The following LCLAT1 variants were observed in gnomAD, a reference collection of about 807,000 sequenced individuals.
LCLAT1 encodes 1-AGP acyltransferase 8.
Under a neutral mutation model 30.7 loss-of-function variants are expected in LCLAT1, and 11 were observed. The observed-to-expected ratio is 0.36, with a 90% CI of 0.23 to 0.59. The LOEUF (loss-of-function observed/expected upper bound fraction) is 0.59, where lower values mean the gene tolerates loss of function less well. Ranked by LOEUF, LCLAT1 falls within the 20% of genes least tolerant of loss-of-function variation. The pLI is 0.77. For missense variants in LCLAT1, 402 were observed against 458.6 expected (o/e 0.88, Z 1.13); for synonymous variants, 155 against 151.3 (o/e 1.02, Z -0.18).
chr2:30,473,463 C>T (rs1682896748), intron 1 of LCLAT1, among the ~76,000 whole-genome samples: 1 of 152,118 alleles, frequency 6.6e-6, no homozygotes, highest in South Asian at 2.1e-4. Context: ...CTGGAACATC[C>T]TCTTTAATTT....
intron 1 of LCLAT1, among the ~76,000 whole-genome samples, chr2:30,455,838 A>T (rs141884405): frequency 7.6e-6 from 1 of 130,970 alleles, no homozygotes; most frequent in Admixed American, 9.0e-5. Context: ...TGAGCCTGGG[A>T]GGTTGAGGCT....
rs918465134 is a variant in LCLAT1 at position 30,586,156 on chromosome 2, A to G, written c.628+17980A>G. 4.1e-5 allele frequency among the ~76,000 whole-genome samples: 6 copies of G among 147,388 alleles called. No individual in the cohort carries two copies. The East Asian group carries it at 1.1e-3, about 26-fold the overall frequency. ...CTACTCCAGAGGCTGAGGCAGGGGAATGGCGTCAACCCGGGAGGCGGAGCT... is the reference window on the plus strand; with the variant it reads ...CTACTCCAGAGGCTGAGGCAGGGGAGTGGCGTCAACCCGGGAGGCGGAGCT... On this transcript the variant is annotated intron_variant, in intron 5 of 5. Coordinates refer to ENST00000379509, the MANE Select transcript of LCLAT1 (RefSeq NM_001002257.3).
intron 5 of LCLAT1, among the ~76,000 whole-genome samples, chr2:30,610,076 C>T (rs1428847054): frequency 1.3e-5 from 2 of 152,118 alleles, no homozygotes; most frequent in African/African-American, 4.8e-5. Context: ...ACAAATTGAA[C>T]ATAGCCATAC....
At chr2:30,477,546 A>C (rs773851400) in intron 1 of LCLAT1, among the ~76,000 whole-genome samples, 1 of 152,198 alleles carries the variant, frequency 6.6e-6, no homozygotes, top group Admixed American at 6.5e-5. Context: ...CTGGTATACA[A>C]CTAAGTCACA....
intron 3 of LCLAT1, among the ~76,000 whole-genome samples, chr2:30,534,996 A>C (rs760249626): frequency 5.9e-5 from 9 of 152,224 alleles, no homozygotes; most frequent in Non-Finnish European, 1.2e-4. Context: ...TTAAAAGTGT[A>C]TATGAGATTT....
intron 3 of LCLAT1, among the ~76,000 whole-genome samples, chr2:30,556,368 C>T (rs1215372901): frequency 6.6e-6 from 1 of 152,108 alleles, no homozygotes; most frequent in African/African-American, 2.4e-5. Context: ...TGGGCCATAG[C>T]TTGCTCCTTT....
chr2:30,560,926 C>T (rs1322622919), intron 3 of LCLAT1, among the ~76,000 whole-genome samples: 2 of 151,164 alleles, frequency 1.3e-5, no homozygotes, highest in African/African-American at 4.9e-5. Flanking sequence ...GGCTTTTGCC[C>T]TTCACTCTCA....
At chr2:30,475,812 T>C (rs1200592599) in intron 1 of LCLAT1, among the ~76,000 whole-genome samples, 2 of 152,250 alleles carry the variant, frequency 1.3e-5, no homozygotes, top group Non-Finnish European at 2.9e-5. Flanking sequence ...TTCAGTATAA[T>C]GAAATCTCAA....
At chr2:30,516,267 C>G (rs752860432) in intron 1 of LCLAT1, among the ~76,000 whole-genome samples, 5 of 152,102 alleles carry the variant, frequency 3.3e-5, no homozygotes, top group Admixed American at 6.5e-5. Context: ...TTAAATCTTG[C>G]AACTGCACAC....
In LCLAT1 at chr2:30,466,308, G is replaced by A. The variant is rs1389814330; in HGVS notation, c.-5+18925G>A. On this transcript the variant is annotated intron_variant, in intron 1 of 5. Transcript: ENST00000379509. ...ACAGGGTCTCACTGCCACCTAGGCT[G>A]GGCTGGAGCTCCTAGACTCAAGTGA... Among the ~76,000 whole-genome samples, 3 of 145,442 alleles carry A rather than the reference G, an allele frequency of 2.1e-5. No individual in the cohort carries two copies. The East Asian group carries it at 6.4e-4, about 31-fold the overall frequency.
intron 5 of LCLAT1, among the ~76,000 whole-genome samples, chr2:30,618,244 C>T (rs1412277099): frequency 6.6e-6 from 1 of 151,952 alleles, no homozygotes; most frequent in East Asian, 1.9e-4. Context: ...TTTTCTTATT[C>T]TAGTTCCTTT....
chr2:30,573,165 C>T (rs1034741221), intron 5 of LCLAT1, among the ~76,000 whole-genome samples: 26 of 152,144 alleles, frequency 1.7e-4, no homozygotes, highest in African/African-American at 5.8e-4. Context: ...ATTGTTGGCC[C>T]GCCCCCCTCT....
chr2:30,494,601 C>T (rs558796624), intron 1 of LCLAT1, among the ~76,000 whole-genome samples: 83 of 151,896 alleles, frequency 5.5e-4, no homozygotes, highest in African/African-American at 1.9e-3. Context: ...TATGCATGCA[C>T]GTATGTGTGT....
At chr2:30,466,057 C>T (rs1682407068) in intron 1 of LCLAT1, among the ~76,000 whole-genome samples, 1 of 151,728 alleles carries the variant, frequency 6.6e-6, no homozygotes, top group African/African-American at 2.4e-5. Flanking sequence ...TGTATTTTTT[C>T]AGTTTGCTGA....
rs552704825 is a variant in LCLAT1, at chr2:30,534,002, A to G, written c.364+688A>G. Among the ~76,000 whole-genome samples, 3 of 152,300 alleles carry G rather than the reference A, an allele frequency of 2.0e-5. No individual in the cohort carries two copies. The East Asian group carries it at 5.8e-4, about 29-fold the overall frequency. On this transcript the variant is annotated intron_variant, in intron 3 of 5. Transcript: ENST00000379509. ...ATTCAAACCAGTTATTCACATGGGTATATGAAGTACCCACTATATCCTCCT... is the reference window on the plus strand; with the variant it reads ...ATTCAAACCAGTTATTCACATGGGTGTATGAAGTACCCACTATATCCTCCT...
chr2:30,481,858 C>T (rs1262601476), intron 1 of LCLAT1, among the ~76,000 whole-genome samples: 1 of 152,124 alleles, frequency 6.6e-6, no homozygotes, highest in Non-Finnish European at 1.5e-5. Flanking sequence ...ATTCAGTAAG[C>T]CTAGGGGTTT....
chr2:30,597,577 T>C (rs561393701), intron 5 of LCLAT1, among the ~76,000 whole-genome samples: 2 of 152,326 alleles, frequency 1.3e-5, no homozygotes, highest in South Asian at 4.1e-4. Context: ...TACAGGATCA[T>C]GTCATCTGCA....
chr2:30,454,388 A>T (rs1212008349), intron 1 of LCLAT1, among the ~76,000 whole-genome samples: 2 of 152,220 alleles, frequency 1.3e-5, no homozygotes, highest in African/African-American at 2.4e-5. Context: ...AGTGTGAATT[A>T]CTGGGTTAAC....
At chr2:30,632,835 G>A (rs1170289494) in intron 5 of LCLAT1, among the ~76,000 whole-genome samples, 2 of 152,184 alleles carry the variant, frequency 1.3e-5, no homozygotes, top group Non-Finnish European at 2.9e-5. Context: ...CTGCCTGACT[G>A]CACCTTTTGT....
Sources: allele counts gnomAD v4.1 joint callset (sites outside exome capture counted in the v4.1 genomes callset), GRCh38; gene constraint gnomAD v4.1.1; transcripts MANE v1.5; gene names NCBI Gene and HGNC (gene_info 2026-07-23, HGNC 2026-07-21).